ALK: variants seen among roughly 807,000 people sequenced by gnomAD.
ALK encodes ALK receptor tyrosine kinase, also known as ALK tyrosine kinase receptor.
ALK carries 74 observed loss-of-function variants against 163.1 expected under a neutral mutation model. That is an observed-to-expected ratio of 0.45 (90% confidence interval 0.38 to 0.55). The LOEUF is 0.55. Among genes scored for constraint, ALK ranks in the 20% least tolerant of loss-of-function variants. The probability of loss-of-function intolerance (pLI) is 0.00; values close to 1 mark genes in which losing one functional copy is unlikely to be tolerated. For synonymous variants in ALK, 960 were observed against 843.2 expected, an observed-to-expected ratio of 1.14 and a Z score of -2.40; for missense variants, 2,063 against 2,105.3, an observed-to-expected ratio of 0.98 and a Z score of 0.39.
intron 2 of ALK, among the ~76,000 whole-genome samples, chr2:29,695,677 A>G (rs1678535269): frequency 6.6e-6 from 1 of 152,188 alleles, no homozygotes; most frequent in South Asian, 2.1e-4. Flanking sequence ...GAAAAAAAAC[A>G]AACAACCCCA....
At chr2:29,674,660 G>A (rs904784349) in intron 3 of ALK, among the ~76,000 whole-genome samples, 32 of 151,614 alleles carry the variant, frequency 2.1e-4, no homozygotes, top group African/African-American at 7.3e-4. Context: ...TCTCTGCCAG[G>A]CTTTGGTATC....
intron 1 of ALK, among the ~76,000 whole-genome samples, chr2:29,767,943 G>A (rs894123063): frequency 6.6e-6 from 1 of 152,234 alleles, no homozygotes; most frequent in African/African-American, 2.4e-5. Flanking sequence ...TTACTCATTA[G>A]GTAGCTACAA....
At chr2:29,813,485 T>C (rs1006798150) in intron 1 of ALK, among the ~76,000 whole-genome samples, 9 of 151,866 alleles carry the variant, frequency 5.9e-5, no homozygotes, top group African/African-American at 2.2e-4. Context: ...GGGCTCAAGG[T>C]TGCATATTCT....
At chr2:29,668,900 G>C (rs1264357235) in intron 3 of ALK, among the ~76,000 whole-genome samples, 1 of 152,140 alleles carries the variant, frequency 6.6e-6, no homozygotes, top group South Asian at 2.1e-4. Flanking sequence ...GTGTGTACAG[G>C]GGAACTCCCC....
At chr2:29,360,236 G>A (rs1668356044) in intron 5 of ALK, among the ~76,000 whole-genome samples, 2 of 152,182 alleles carry the variant, frequency 1.3e-5, no homozygotes, top group African/African-American at 4.8e-5. Flanking sequence ...GGCACAGTTG[G>A]CCTTCCCAGT....
intron 1 of ALK, among the ~76,000 whole-genome samples, chr2:29,915,791 T>C (rs574685042): frequency 4.6e-5 from 7 of 152,296 alleles, no homozygotes; most frequent in East Asian, 1.9e-4. Context: ...CCCTCACCCA[T>C]AGATGTATCT....
At chr2:29,742,245 G>T (rs990975054) in intron 1 of ALK, among the ~76,000 whole-genome samples, 7 of 152,200 alleles carry the variant, frequency 4.6e-5, no homozygotes, top group African/African-American at 1.4e-4. Flanking sequence ...CCTAAGGCAG[G>T]CTTGCTGATA....
intron 3 of ALK, among the ~76,000 whole-genome samples, chr2:29,583,855 A>G (rs1163467022): frequency 6.6e-6 from 1 of 152,238 alleles, no homozygotes; most frequent in African/African-American, 2.4e-5. Flanking sequence ...TTTGTTTACT[A>G]AATAAATGAG....
At position 29,328,429 on chromosome 2, in the gene ALK, A is replaced by C; in HGVS notation, c.1335T>G (p.Asn445Lys). 6.2e-7 allele frequency: 1 copy of C among 1,614,200 alleles called. No homozygotes were observed. The highest frequency in any genetic ancestry group is 8.5e-7 in the Non-Finnish European group (1 of 1,180,018). Residue 445 changes from asparagine to lysine, a missense_variant, in exon 6 of 29, where the codon AAT (asparagine) becomes AAG (lysine). Transcript: ENST00000389048. Reference protein sequence around the residue: ...MALQSSFTCWNGTVLQLGQAC... With the variant: ...MALQSSFTCWKGTVLQLGQAC... ...CCTGCCCAAGCTGGAGGACTGTCCC[A>C]TTCCAACAAGTGAAGGAGCTCTGCA...
At chr2:29,444,959 C>T (rs1018699541) in intron 4 of ALK, among the ~76,000 whole-genome samples, 8 of 152,094 alleles carry the variant, frequency 5.3e-5, no homozygotes, top group African/African-American at 1.2e-4. Context: ...GTTACAGGTG[C>T]GTGACTGAAG....
At position 29,369,662 on chromosome 2, in the gene ALK, C is replaced by T. The variant is rs149589612; in HGVS notation, c.1282+14070G>A. ...CTTCACAAAAGGAAAGGAAGAAAGT[C>T]GAGAAGTGAGAATGAATTAATAGAC... On this transcript the variant is annotated intron_variant, in intron 5 of 28. Coordinates refer to ENST00000389048, the MANE Select transcript of ALK (RefSeq NM_004304.5). 1.1e-3 allele frequency among the ~76,000 whole-genome samples: 167 copies of T among 151,960 alleles called. 1 individual carries two copies. The East Asian group carries it at 0.013, about 12-fold the overall frequency.
At chr2:29,230,826 G>C (rs1032941794) in intron 15 of ALK, among the ~76,000 whole-genome samples, 4 of 152,112 alleles carry the variant, frequency 2.6e-5, no homozygotes, top group Non-Finnish European at 5.9e-5. Context: ...GCGCGTTAGG[G>C]GCCAGAAGTT....
chr2:29,689,226 G>A (rs529694255), intron 3 of ALK, among the ~76,000 whole-genome samples: 1 of 152,310 alleles, frequency 6.6e-6, no homozygotes, highest in South Asian at 2.1e-4. Context: ...GAAATGCTGG[G>A]CAGCCCTTTA....
intron 25 of ALK, among the ~76,000 whole-genome samples, chr2:29,208,347 T>C (rs1392294208): frequency 1.3e-5 from 2 of 151,874 alleles, no homozygotes; most frequent in African/African-American, 2.4e-5. Context: ...TAACTTAGGG[T>C]GGTTGAAGCC....
Position 29,357,316 on chromosome 2 carries a change from T to TC in ALK, c.1282+26415dup, listed in dbSNP as rs369722159. The stretch of plus-strand genomic sequence containing the variant: ...CTCCTCCTCATGACCACTATCACTG[T>TC]CCTGGCATCTGGAATACCCTGCACA... On this transcript the variant is annotated intron_variant, in intron 5 of 28. Transcript: ENST00000389048. 7.9e-5 allele frequency among the ~76,000 whole-genome samples: 12 copies of TC among 152,300 alleles called. 1 individual carries two copies. Among genetic ancestry groups the TC allele is most frequent in the African/African-American group, 2.9e-4 (12 of 41,572 alleles).
chr2:29,886,312 A>C (rs1430356908), intron 1 of ALK, among the ~76,000 whole-genome samples: 1 of 152,206 alleles, frequency 6.6e-6, no homozygotes, highest in Non-Finnish European at 1.5e-5. Context: ...TGGGAAGTCA[A>C]ATGTTCTACT....
chr2:29,665,161 A>AT (rs1370167058), intron 3 of ALK, among the ~76,000 whole-genome samples: 1 of 151,238 alleles, frequency 6.6e-6, no homozygotes, highest in Non-Finnish European at 1.5e-5. Flanking sequence ...TAATTCTTGT[A>AT]TTTTTTGTAA....
At chr2:29,244,320 C>G (rs546370462) in intron 12 of ALK, among the ~76,000 whole-genome samples, 2 of 152,352 alleles carry the variant, frequency 1.3e-5, no homozygotes, top group South Asian at 2.1e-4. Flanking sequence ...GTCCTACCCA[C>G]CCTGCAGGGT....
At chr2:29,600,348 A>G (rs1168751237) in intron 3 of ALK, among the ~76,000 whole-genome samples, 1 of 152,214 alleles carries the variant, frequency 6.6e-6, no homozygotes, top group Non-Finnish European at 1.5e-5. Context: ...ATCTTTACTC[A>G]AAGAGATAAA....
Sources: gnomAD v4.1 joint callset for allele counts (sites outside exome capture counted in the v4.1 genomes callset) on GRCh38, gnomAD v4.1.1 for gene constraint, MANE v1.5 for transcripts, NCBI Gene and HGNC (gene_info 2026-07-23, HGNC 2026-07-21) for gene names.